The following NAA60 variants were observed in gnomAD, a reference collection of about 807,000 sequenced individuals.
NAA60 encodes N-alpha-acetyltransferase 60, NatF catalytic subunit, also known as N-alpha-acetyltransferase 60.
A neutral mutation model predicts 26.1 loss-of-function variants in NAA60; 8 were observed. The observed-to-expected ratio is 0.31, with a 90% CI of 0.18 to 0.55. NAA60 has a LOEUF of 0.55. Among genes scored for constraint, NAA60 ranks in the 20% least tolerant of loss-of-function variants. The pLI is 0.93. For synonymous variants in NAA60, 131 were observed against 122.5 expected (o/e 1.07, Z -0.46); for missense variants, 290 against 311.3 (o/e 0.93, Z 0.51).
At chr16:3,473,626 C>T (rs28469316) in intron 2 of NAA60, among the ~76,000 whole-genome samples, 1 of 152,054 alleles carries the variant, frequency 6.6e-6, no homozygotes. Flanking sequence ...TCTCAAACTC[C>T]TGACCTCAAG....
rs548689804 is a variant in NAA60 at position 3,477,343 on chromosome 16, A to T, written c.110+1006A>T. Among the ~76,000 whole-genome samples the T allele has an allele frequency of 2.0e-5, 3 of 152,370 alleles. No individual in the cohort carries two copies. In the South Asian group the frequency reaches 6.2e-4, roughly 32 times the overall value. ...GACACAAACTTTGAAAATGGAAAATAAACAAGATCTTGCCAGCCACCAGCA... is the reference window on the plus strand; with the variant it reads ...GACACAAACTTTGAAAATGGAAAATTAACAAGATCTTGCCAGCCACCAGCA... On this transcript the variant is annotated intron_variant, in intron 3 of 7. Transcript: ENST00000407558.
intron 3 of NAA60, among the ~76,000 whole-genome samples, chr16:3,478,317 T>C (rs1252824714): frequency 6.6e-6 from 1 of 152,110 alleles, no homozygotes; most frequent in Non-Finnish European, 1.5e-5. Flanking sequence ...CTGCAGTGAG[T>C]GCATAGATCA....
chr16:3,476,085 A>C (rs1395145116), intron 2 of NAA60, 137 bp from the exon 3 acceptor site: 4 of 613,020 alleles, frequency 6.5e-6, no homozygotes, highest in Non-Finnish European at 1.1e-5. Context: ...CGTGAGAGGC[A>C]GAGGCCTCTG....
At position 3,443,704 on chromosome 16, in the gene NAA60, C is replaced by T. The variant is rs1319842324; in HGVS notation, c.-210C>T. 1 of 1,435,612 alleles carries T rather than the reference C, an allele frequency of 7.0e-7. No homozygotes were observed. The highest frequency in any genetic ancestry group is 9.1e-7 in the Non-Finnish European group (1 of 1,096,660). 88.9% of individuals were successfully genotyped at this position (1,435,612 alleles called of 1,614,324 possible). A position where few individuals can be genotyped will look rare whatever the true frequency, so the allele number is the denominator to read the frequency against. ...TCCGCTTCCGCTGGCGGGGTCTCCT[C>T]CGTGAGCTCCGGGCCTGTTTGCCTG... On this transcript the variant is annotated 5_prime_UTR_variant, in exon 1 of 8. Transcript: ENST00000407558.
chr16:3,474,932 T>C (rs1478634950), intron 2 of NAA60, among the ~76,000 whole-genome samples: 3 of 152,036 alleles, frequency 2.0e-5, no homozygotes, highest in African/African-American at 7.3e-5. Context: ...CTTTTCCCAT[T>C]TATTTATGGG....
At chr16:3,471,180 A>C (rs2036116429) in intron 2 of NAA60, among the ~76,000 whole-genome samples, 1 of 152,154 alleles carries the variant, frequency 6.6e-6, no homozygotes, top group South Asian at 2.1e-4. Context: ...CCAAGCCACA[A>C]TATAGAGATT....
intron 2 of NAA60, 36 bp downstream of exon 2, chr16:3,448,576 T>A (rs2034647294): frequency 8.0e-6 from 12 of 1,506,360 alleles, no homozygotes; most frequent in Admixed American, 2.0e-5. Flanking sequence ...CTATTAATGA[T>A]GCCCTCATAG....
chr16:3,458,804 C>G (rs1326102382), intron 2 of NAA60, among the ~76,000 whole-genome samples: 1 of 152,176 alleles, frequency 6.6e-6, no homozygotes, highest in Non-Finnish European at 1.5e-5. Context: ...GAACCCACAC[C>G]CCCAGCTCCG....
chr16:3,483,627 G>C, intron 6 of NAA60, 30 bp downstream of exon 6: 1 of 1,540,680 alleles, frequency 6.5e-7, no homozygotes, highest in Non-Finnish European at 8.9e-7. Flanking sequence ...GAGAGGGACT[G>C]TGGCTTCCTG....
At chr16:3,475,093 C>CTTT (rs3031367) in intron 2 of NAA60, among the ~76,000 whole-genome samples, 18,190 of 135,060 alleles carry the variant, frequency 0.13, 1,557 homozygotes, top group Non-Finnish European at 0.19. Flanking sequence ...CCATCCTTTC[C>CTTT]TTTTTTTTTT....
At chr16:3,474,995 GATCTCA>G (rs2151001084) in intron 2 of NAA60, among the ~76,000 whole-genome samples, 1 of 151,798 alleles carries the variant, frequency 6.6e-6, no homozygotes, top group South Asian at 2.1e-4. Context: ...TGCCCAGGCT[GATCTCA>G]AACTCCTGGG....
chr16:3,446,086 A>G (rs755991519), intron 1 of NAA60, among the ~76,000 whole-genome samples: 7 of 152,196 alleles, frequency 4.6e-5, no homozygotes, highest in Non-Finnish European at 7.4e-5. Flanking sequence ...AAGTTTTTCC[A>G]TTTCTGTCTT....
At chr16:3,449,194 G>A (rs574757664) in intron 2 of NAA60, among the ~76,000 whole-genome samples, 1 of 152,068 alleles carries the variant, frequency 6.6e-6, no homozygotes, top group East Asian at 1.9e-4. Context: ...CCAACATGTT[G>A]AAACCCCATC....
intron 2 of NAA60, among the ~76,000 whole-genome samples, chr16:3,475,614 C>A (rs1324668043): frequency 6.6e-6 from 1 of 152,214 alleles, no homozygotes; most frequent in African/African-American, 2.4e-5. Context: ...GTGACCCCGA[C>A]TTGAACTGTG....
At chr16:3,477,658 C>T (rs540540321) in intron 3 of NAA60, among the ~76,000 whole-genome samples, 11 of 140,100 alleles carry the variant, frequency 7.9e-5, no homozygotes, top group Non-Finnish European at 1.2e-4. Flanking sequence ...AAAATTGGGC[C>T]GGGCGCAGTG....
intron 2 of NAA60, chr16:3,458,330 C>T (rs1355711086): frequency 1.0e-5 from 4 of 390,222 alleles, no homozygotes; most frequent in Non-Finnish European, 1.4e-5. Context: ...CGCGCCCGCG[C>T]CCCCGGCGCA....
intron 3 of NAA60, 60 bp from the exon 4 acceptor site, chr16:3,479,411 G>A: frequency 1.3e-6 from 2 of 1,586,760 alleles, no homozygotes; most frequent in South Asian, 1.2e-5. Context: ...GATGTCTAGA[G>A]CACGACCATA....
Position 3,462,104 on chromosome 16 carries a change from A to AAAAAAAAAAC in NAA60, c.-7+13565_-7+13566insAAAAAAAACA, listed in dbSNP as rs1414883728. The stretch of plus-strand genomic sequence containing the variant: ...CTTATATCAAAAAAAAAAAAAAAAA[A>AAAAAAAAAAC]ACCTTTCAGTGCTATTTTTTGTGGT... On this transcript the variant is annotated intron_variant, in intron 2 of 7. Transcript: ENST00000407558. Among the ~76,000 whole-genome samples the AAAAAAAAAAC allele has an allele frequency of 6.3e-4, 96 of 151,740 alleles. 1 individual carries two copies. The highest frequency in any genetic ancestry group is 9.0e-4 in the Non-Finnish European group (61 of 67,894).
chr16:3,469,328 C>A (rs1417941865), intron 2 of NAA60, among the ~76,000 whole-genome samples: 2 of 142,468 alleles, frequency 1.4e-5, no homozygotes, highest in African/African-American at 5.2e-5. Flanking sequence ...CTGCTCCTCC[C>A]AGCACTGCCC....
Sources: allele counts gnomAD v4.1 joint callset (sites outside exome capture counted in the v4.1 genomes callset), GRCh38; gene constraint gnomAD v4.1.1; transcripts MANE v1.5; gene names NCBI Gene and HGNC (gene_info 2026-07-23, HGNC 2026-07-21).